The following NDE1 variants were observed in gnomAD, a reference collection of about 807,000 sequenced individuals.
The protein encoded by NDE1 is nudE neurodevelopment protein 1, also known as nuclear distribution protein nudE homolog 1.
In NDE1, 28 loss-of-function variants were observed where a neutral mutation model predicts 43.4. The ratio of observed to expected loss-of-function variants is 0.65; its 90% CI spans 0.48 to 0.89. NDE1 has a LOEUF of 0.89. NDE1 is among the 40% of genes least tolerant of loss of function. The pLI is 0.00. For synonymous variants in NDE1, 184 were observed against 172.0 expected (o/e 1.07, Z -0.55); for missense variants, 441 against 434.1 (o/e 1.02, Z -0.14).
chr16:15,690,020 G>A (rs1360067160), intron 5 of NDE1, among the ~76,000 whole-genome samples: 2 of 151,896 alleles, frequency 1.3e-5, no homozygotes, highest in South Asian at 2.1e-4. Context: ...GTGAGGAGGA[G>A]CATTTGGGGA....
rs745889089 is a variant in NDE1, at chr16:15,664,809, G to A, written c.31G>A (p.Glu11Lys). ...GGACTCCGGAAAGACTTTCAGCTCC[G>A]AGGAGGAAGAAGCTAACTATTGGAA... is the stretch of plus-strand genomic sequence containing the variant. MEDSGKTFSS[E>K]EEEANYWKDL... Residue 11 changes from glutamate to lysine, a missense_variant, in exon 2 of 9, where the codon GAG (glutamate) becomes AAG (lysine). Coordinates refer to ENST00000396354, the MANE Select transcript of NDE1 (RefSeq NM_017668.3). 13 of 1,613,688 alleles carry A rather than the reference G, an allele frequency of 8.1e-6. No individual in the cohort carries two copies. The highest frequency in any genetic ancestry group is 1.3e-5 in the African/African-American group (1 of 74,956).
In NDE1 at chr16:15,687,501, T is replaced by C. The variant is rs794727785; in HGVS notation, c.513T>C (p.Asp171=). 12 of 1,613,958 alleles carry C rather than the reference T, an allele frequency of 7.4e-6. No individual in the cohort carries two copies. The highest frequency in any genetic ancestry group is 3.3e-4 in the Middle Eastern group (2 of 6,082). The change falls in exon 5 of 9, where the codon GAT becomes GAC. Residue 171 remains aspartate, a synonymous_variant. Coordinates refer to ENST00000396354, the MANE Select transcript of NDE1 (RefSeq NM_017668.3). Reference sequence around the variant, plus strand: ...TGGAATCTGTTCAGAGACTGAAGGATGAAGCCAGAGGTCAGGAGGCCTTGG... The same window carrying C: ...TGGAATCTGTTCAGAGACTGAAGGACGAAGCCAGAGGTCAGGAGGCCTTGG... ...NLLESVQRLK[D]EARDLRQELA... is the part of the protein sequence containing the mutation.
At chr16:15,656,816 C>T (rs1261869022) in intron 1 of NDE1, among the ~76,000 whole-genome samples, 7 of 152,220 alleles carry the variant, frequency 4.6e-5, no homozygotes, top group Non-Finnish European at 7.4e-5. Flanking sequence ...ATCAGGATTA[C>T]AGGCATGAGC....
At chr16:15,713,099 G>A (rs1259548598) in intron 8 of NDE1, 1 of 151,844 alleles carries the variant, frequency 6.6e-6, no homozygotes, top group Non-Finnish European at 1.5e-5. Context: ...TAGACATGGG[G>A]CTAAGAGGTT....
intron 1 of NDE1, among the ~76,000 whole-genome samples, chr16:15,664,486 A>G (rs1380329588): frequency 6.6e-6 from 1 of 151,936 alleles, no homozygotes; most frequent in African/African-American, 2.4e-5. Flanking sequence ...CCTCCTGAGT[A>G]GCTGGGACTA....
chr16:15,668,555 A>G (rs369125223), intron 3 of NDE1, among the ~76,000 whole-genome samples: 2 of 152,148 alleles, frequency 1.3e-5, no homozygotes, highest in African/African-American at 4.8e-5. Context: ...ATGAGCCACC[A>G]CCTGGCCAGG....
intron 5 of NDE1, among the ~76,000 whole-genome samples, chr16:15,690,469 C>A (rs947642391): frequency 7.3e-6 from 1 of 137,162 alleles, no homozygotes; most frequent in African/African-American, 2.6e-5. Flanking sequence ...GTGATTCTTA[C>A]ACCTCAGCCT....
At chr16:15,676,922 A>G (rs2037912567) in intron 3 of NDE1, among the ~76,000 whole-genome samples, 1 of 152,134 alleles carries the variant, frequency 6.6e-6, no homozygotes, top group Non-Finnish European at 1.5e-5. Flanking sequence ...AAGGAGGCCC[A>G]TGTTGCCGTG....
chr16:15,715,148 G>A, intron 8 of NDE1: 1 of 1,613,110 alleles, frequency 6.2e-7, no homozygotes, highest in South Asian at 1.1e-5. Context: ...GAGGGAGGCT[G>A]GGTGGCAGGG....
chr16:15,700,874 C>T (rs913370332), intron 8 of NDE1, among the ~76,000 whole-genome samples: 4 of 152,158 alleles, frequency 2.6e-5, no homozygotes, highest in Non-Finnish European at 4.4e-5. Context: ...AACAAAATCT[C>T]CCAGTGCTTT....
chr16:15,720,810 C>A, intron 8 of NDE1: 2 of 1,609,046 alleles, frequency 1.2e-6, no homozygotes, highest in Non-Finnish European at 1.7e-6. Flanking sequence ...ACCCGACCTC[C>A]CTCTGCTGGC....
At position 15,671,059 on chromosome 16, in the gene NDE1, C is replaced by T. The variant is rs536802970; in HGVS notation, c.237+3620C>T. On this transcript the variant is annotated intron_variant, in intron 3 of 8. Coordinates refer to ENST00000396354, the MANE Select transcript of NDE1 (RefSeq NM_017668.3). ...TTTTTGTTCAGCATTTCCCCATGAACGTTTTCCAGCATATAAGGCTGAAAG... is the reference window on the plus strand; with the variant it reads ...TTTTTGTTCAGCATTTCCCCATGAATGTTTTCCAGCATATAAGGCTGAAAG... Among the ~76,000 whole-genome samples, 7 of 152,260 alleles carry T rather than the reference C, an allele frequency of 4.6e-5. No individual in the cohort carries two copies. The East Asian group carries it at 9.6e-4, about 21-fold the overall frequency.
chr16:15,675,910 G>C (rs1567636923), intron 3 of NDE1, among the ~76,000 whole-genome samples: 1 of 152,146 alleles, frequency 6.6e-6, no homozygotes, highest in African/African-American at 2.4e-5. Flanking sequence ...TTGATTCTGG[G>C]CTAGTCAGGT....
chr16:15,687,603 A>G (rs1308566240), intron 5 of NDE1, 92 bp downstream of exon 5: 2 of 1,241,228 alleles, frequency 1.6e-6, no homozygotes, highest in East Asian at 4.6e-5. Flanking sequence ...TTATCTTTAC[A>G]GGGACCCCAC....
At chr16:15,650,395 C>T (rs1428184473) in intron 1 of NDE1, 101 bp downstream of exon 1, 1 of 163,316 alleles carries the variant, frequency 6.1e-6, no homozygotes, top group Non-Finnish European at 1.3e-5. Context: ...CCCGGGACCC[C>T]GGGCCACCGC....
At chr16:15,691,417 C>G in intron 6 of NDE1, 94 bp downstream of exon 6, 1 of 1,401,490 alleles carries the variant, frequency 7.1e-7, no homozygotes, top group Non-Finnish European at 9.9e-7. Context: ...TGATTTGCAT[C>G]AGGCTCAGAG....
intron 8 of NDE1, among the ~76,000 whole-genome samples, chr16:15,709,449 G>A (rs773001947): frequency 5.9e-5 from 9 of 152,038 alleles, no homozygotes; most frequent in Admixed American, 3.9e-4. Flanking sequence ...CGAGTAGCTG[G>A]GATTACAGGC....
chr16:15,714,626 T>A (rs988915624), intron 8 of NDE1: 1 of 554,792 alleles, frequency 1.8e-6, no homozygotes. Context: ...GAGGAGACAG[T>A]GGGGATAGCC....
At chr16:15,690,337 C>CTTTTTTTTTTTTTTCTTTTTTTTTTTTT (rs2038672541) in intron 5 of NDE1, among the ~76,000 whole-genome samples, 2 of 74,108 alleles carry the variant, frequency 2.7e-5, no homozygotes, top group African/African-American at 9.4e-5. Flanking sequence ...TGCAACTGGC[C>CTTTTTTTTTTTTTTCTTTTTTTTTTTTT]TTTTTTTTTT....
Sources: allele counts gnomAD v4.1 joint callset (sites outside exome capture counted in the v4.1 genomes callset), GRCh38; gene constraint gnomAD v4.1.1; transcripts MANE v1.5; gene names NCBI Gene and HGNC (gene_info 2026-07-23, HGNC 2026-07-21).